The following CNRIP1 variants were observed in gnomAD, a reference collection of about 807,000 sequenced individuals.
The protein encoded by CNRIP1 is CB1 cannabinoid receptor-interacting protein 1.
A neutral mutation model predicts 15.2 loss-of-function variants in CNRIP1; 10 were observed. That is an observed-to-expected ratio of 0.66 (90% confidence interval 0.41 to 1.12). CNRIP1 has a LOEUF of 1.12. CNRIP1 is among the 50% of genes most tolerant of loss of function. The pLI is 0.00. For missense variants in CNRIP1, 211 were observed against 214.7 expected, an observed-to-expected ratio of 0.98 and a Z score of 0.11; for synonymous variants, 91 against 83.2, an observed-to-expected ratio of 1.09 and a Z score of -0.51.
At chr2:68,306,966 T>C (rs1315296422) in intron 2 of CNRIP1, among the ~76,000 whole-genome samples, 2 of 152,180 alleles carry the variant, frequency 1.3e-5, no homozygotes, top group African/African-American at 2.4e-5. Flanking sequence ...TCCCAGCATC[T>C]TAGATGATTT....
At chr2:68,286,889 A>C (rs576324594) in intron 2 of CNRIP1, among the ~76,000 whole-genome samples, 17 of 152,366 alleles carry the variant, frequency 1.1e-4, no homozygotes, top group African/African-American at 3.1e-4. Context: ...AATGGAAATC[A>C]TATGTACTCT....
downstream of CNRIP1, among the ~76,000 whole-genome samples, chr2:68,291,213 C>A (rs1671159967): frequency 6.6e-6 from 1 of 152,156 alleles, no homozygotes; most frequent in Admixed American, 6.5e-5. Flanking sequence ...TCCTCCCCAA[C>A]TCCCTTGATT....
intron 2 of CNRIP1, among the ~76,000 whole-genome samples, chr2:68,285,526 C>T (rs112293445): frequency 2.0e-5 from 3 of 151,796 alleles, no homozygotes; most frequent in Admixed American, 6.6e-5. Flanking sequence ...TGGTGGTGGC[C>T]GCCTGTGGTC....
chr2:68,298,965 A>G (rs1264793320), intron 2 of CNRIP1, among the ~76,000 whole-genome samples: 2 of 152,208 alleles, frequency 1.3e-5, no homozygotes, highest in Non-Finnish European at 2.9e-5. Flanking sequence ...CAATTTATGC[A>G]CAGGTATAAT....
rs549300399 is a variant in CNRIP1 at position 68,303,490 on chromosome 2, T to C, written c.331-9464A>G. ...CTGTAATTTCCTGTTCACCTCCTCA[T>C]GCTACTACTGCTCCCTCTGGGCCTC... On this transcript the variant is annotated intron_variant, in intron 2 of 2. Coordinates refer to ENST00000263655, the MANE Select transcript of CNRIP1 (RefSeq NM_015463.3). Among the ~76,000 whole-genome samples, 252 of 152,292 alleles carry C rather than the reference T, an allele frequency of 1.7e-3. 1 individual carries two copies. Among genetic ancestry groups the C allele is most frequent in the African/African-American group, 5.8e-3 (243 of 41,558 alleles).
At chr2:68,294,391 G>A (rs946191366) in intron 2 of CNRIP1, among the ~76,000 whole-genome samples, 2 of 152,188 alleles carry the variant, frequency 1.3e-5, no homozygotes, top group African/African-American at 2.4e-5. Flanking sequence ...TGCTGGCCAG[G>A]TGCAGTGGTT....
chr2:68,309,793 C>G (rs1304695576), intron 2 of CNRIP1, among the ~76,000 whole-genome samples: 1 of 152,170 alleles, frequency 6.6e-6, no homozygotes, highest in Admixed American at 6.5e-5. Flanking sequence ...AACCCCAAAT[C>G]TGACTATAAA....
chr2:68,301,087 A>T (rs1339804224), intron 2 of CNRIP1, among the ~76,000 whole-genome samples: 2 of 152,220 alleles, frequency 1.3e-5, no homozygotes, highest in African/African-American at 4.8e-5. Flanking sequence ...CAAAAATATT[A>T]CAAGAGAAAT....
intron 2 of CNRIP1, among the ~76,000 whole-genome samples, chr2:68,299,593 G>A (rs925263258): frequency 1.3e-5 from 2 of 152,214 alleles, no homozygotes; most frequent in Non-Finnish European, 2.9e-5. Flanking sequence ...ATAGATGTTT[G>A]TTGTTTCATC....
Position 68,293,222 on chromosome 2 carries a change from T to C in CNRIP1, c.*640A>G. The C allele has an allele frequency of 1.0e-6, 1 of 985,522 alleles. No individual in the cohort carries two copies. Among genetic ancestry groups the C allele is most frequent in the Non-Finnish European group, 1.2e-6 (1 of 829,990 alleles). The allele number at this position is 985,522 out of a possible 1,614,324, so 61.0% of individuals were successfully genotyped here. On this transcript the variant is annotated 3_prime_UTR_variant, in exon 3 of 3. Transcript: ENST00000263655. ...CCCCCATTTCTACTAGGCTAGGCCA[T>C]TGCACAATACCTTAAGCTACTTAAA...
Position 68,293,887 on chromosome 2 carries a change from C to G in CNRIP1, c.470G>C (p.Trp157Ser). ...CKPNETRSLM[W>S]VNKESFL The stretch of plus-strand genomic sequence containing the variant: ...TCAGAGGAAGGACTCCTTGTTCACC[C>G]ACATCAGACTGCGTGTCTCGTTGGG... The change falls in exon 3 of 3, where the codon TGG becomes TCG. Residue 157 changes from tryptophan to serine, a missense_variant. Transcript: ENST00000263655. 2 of 1,613,864 alleles carry G rather than the reference C, an allele frequency of 1.2e-6. No homozygotes were observed. Among genetic ancestry groups the G allele is most frequent in the South Asian group, 2.2e-5 (2 of 91,048 alleles).
At chr2:68,295,789 C>T (rs1194299366) in intron 2 of CNRIP1, among the ~76,000 whole-genome samples, 3 of 152,132 alleles carry the variant, frequency 2.0e-5, no homozygotes, top group Non-Finnish European at 4.4e-5. Context: ...GTGATGGAAG[C>T]ATTCTGTATC....
intron 1 of CNRIP1, 95 bp downstream of exon 1, chr2:68,319,127 A>G: frequency 7.7e-7 from 1 of 1,296,878 alleles, no homozygotes; most frequent in South Asian, 1.7e-5. Context: ...GCGCGAGGCC[A>G]GAGGCCCTTG....
intron 2 of CNRIP1, among the ~76,000 whole-genome samples, chr2:68,304,829 G>C (rs1334449326): frequency 1.3e-5 from 2 of 152,066 alleles, no homozygotes; most frequent in African/African-American, 4.8e-5. Context: ...TAGGTTTTCT[G>C]ATCAAGTCAC....
rs888423583 is a variant in CNRIP1, at chr2:68,284,562, A to T, written c.331-78T>A. 1.0e-4 allele frequency: 98 copies of T among 948,896 alleles called. No individual in the cohort carries two copies. In the Middle Eastern group the frequency reaches 1.3e-3, roughly 12 times the overall value. The allele number at this position is 948,896 out of a possible 1,614,324, so 58.8% of individuals were successfully genotyped here. ...TGCAGTGACTCACGCCCGTAATCCCAGCACTTTGGGAGGCCAAGGCAGGCA... is the reference window on the plus strand; with the variant it reads ...TGCAGTGACTCACGCCCGTAATCCCTGCACTTTGGGAGGCCAAGGCAGGCA... On this transcript the variant is annotated intron_variant, in intron 2 of 2. Transcript: ENST00000409559.
chr2:68,316,158 T>G (rs1672264205), intron 2 of CNRIP1: 1 of 152,084 alleles, frequency 6.6e-6, no homozygotes, highest in Non-Finnish European at 1.5e-5. Context: ...TTCCAAAGGT[T>G]AGATAGGCAT....
In CNRIP1 at chr2:68,293,319, G is replaced by T. The variant is rs181320155; in HGVS notation, c.*543C>A. The T allele has an allele frequency of 2.0e-6, 2 of 985,826 alleles. No individual in the cohort carries two copies. Among genetic ancestry groups the T allele is most frequent in the Admixed American group, 6.1e-5 (1 of 16,378 alleles). The allele number at this position is 985,826 out of a possible 1,614,324, so 61.1% of individuals were successfully genotyped here. On this transcript the variant is annotated 3_prime_UTR_variant, in exon 3 of 3. Coordinates refer to ENST00000263655, the MANE Select transcript of CNRIP1 (RefSeq NM_015463.3). Reference sequence around the variant, plus strand: ...TGTTACCATCCTTCCCTGAAAGAGCGGAGCTGTTTATAGGAAGCACAACAT... The same window carrying T: ...TGTTACCATCCTTCCCTGAAAGAGCTGAGCTGTTTATAGGAAGCACAACAT...
downstream of CNRIP1, among the ~76,000 whole-genome samples, chr2:68,291,878 CAAA>C (rs527648471): frequency 0.012 from 980 of 85,054 alleles, 8 homozygotes; most frequent in African/African-American, 0.042. Context: ...GACTCCATCT[CAAA>C]AAAAAAAAAA....
At chr2:68,284,373 GGA>G in exon 3 of CNRIP1, 1 of 1,053,906 alleles carries the variant, frequency 9.5e-7, no homozygotes, top group Non-Finnish European at 1.2e-6. Context: ...CAAATAATTT[GGA>G]AAAAAAAAAA....
Sources: gnomAD v4.1 joint callset for allele counts (sites outside exome capture counted in the v4.1 genomes callset) on GRCh38, gnomAD v4.1.1 for gene constraint, MANE v1.5 for transcripts, NCBI Gene and HGNC (gene_info 2026-07-23, HGNC 2026-07-21) for gene names.